Variants in KCNJ6 observed in about 807,000 individuals in gnomAD.
KCNJ6 encodes the protein potassium inwardly rectifying channel subfamily J member 6.
A neutral mutation model predicts 34.2 loss-of-function variants in KCNJ6; 9 were observed. That is an observed-to-expected ratio of 0.26 (90% CI 0.16 to 0.46). The LOEUF is 0.46. Among genes scored for constraint, KCNJ6 ranks in the 20% least tolerant of loss-of-function variants. The probability of loss-of-function intolerance (pLI) is 1.00; values close to 1 mark genes in which losing one functional copy is unlikely to be tolerated. For missense variants in KCNJ6, 236 were observed against 531.3 expected (o/e 0.44, Z 5.46); for synonymous variants, 196 against 207.1 (o/e 0.95, Z 0.46).
rs1556022131 is a variant in KCNJ6, at chr21:37,707,712, A to AGTGTGTGTGTGTGTGTGTGTGTGTGT, written c.946+6498_946+6499insACACACACACACACACACACACACAC. Among the ~76,000 whole-genome samples the AGTGTGTGTGTGTGTGTGTGTGTGTGT allele has an allele frequency of 1.4e-4, 18 of 132,870 alleles. 1 individual carries two copies. The highest frequency in any genetic ancestry group is 2.8e-4 in the South Asian group (1 of 3,538). 87.2% of individuals were successfully genotyped at this position (132,870 alleles called of 152,430 possible). On this transcript the variant is annotated intron_variant, in intron 3 of 3. Coordinates refer to ENST00000609713, the MANE Select transcript of KCNJ6 (RefSeq NM_002240.5). ...AGCACCTCAGGCTGCTTAGCTGTTT[A>AGTGTGTGTGTGTGTGTGTGTGTGTGT]GTATCTGTGCATGTGTGTGTGTGAA...
chr21:37,792,509 A>G lies in KCNJ6; in HGVS notation c.25+48149T>C, dbSNP rs568453193. On this transcript the variant is annotated intron_variant, in intron 2 of 3. Transcript: ENST00000609713. ...AAAACTTTATGCAATATTATGGGAA[A>G]AGCACAGATTCTAGAGTCCAGTAGG... Among the ~76,000 whole-genome samples the G allele has an allele frequency of 3.9e-5, 6 of 152,338 alleles. No individual in the cohort carries two copies. The East Asian group carries it at 1.2e-3, about 29-fold the overall frequency.
chr21:37,789,362 C>A (rs1267461152), intron 2 of KCNJ6, among the ~76,000 whole-genome samples: 2 of 152,066 alleles, frequency 1.3e-5, no homozygotes, highest in Non-Finnish European at 2.9e-5. Flanking sequence ...AAATTGGTGG[C>A]CTTATAAGAA....
chr21:37,789,794 G>A (rs2055208640), intron 2 of KCNJ6, among the ~76,000 whole-genome samples: 1 of 152,184 alleles, frequency 6.6e-6, no homozygotes, highest in Non-Finnish European at 1.5e-5. Context: ...GCAGCAGAAA[G>A]TCCTCCTAAG....
chr21:37,783,226 G>C (rs1003867096), intron 2 of KCNJ6, among the ~76,000 whole-genome samples: 1 of 152,192 alleles, frequency 6.6e-6, no homozygotes, highest in Non-Finnish European at 1.5e-5. Flanking sequence ...AGCTAACCAC[G>C]GATGAGGGCG....
rs775130150 is a variant in KCNJ6, at chr21:37,731,104, T to TG, written c.26-15974dup. Among the ~76,000 whole-genome samples, 3 of 91,590 alleles carry TG rather than the reference T, an allele frequency of 3.3e-5. No homozygotes were observed. In the Admixed American group the frequency reaches 3.4e-4, roughly 10 times the overall value. 60.1% of individuals were successfully genotyped at this position (91,590 alleles called of 152,430 possible). ...CCATTGCAGATAGATGAGAGAAGTG[T>TG]GTGTGTGTGTGTGTGTGTGTGTGTT... On this transcript the variant is annotated intron_variant, in intron 2 of 3. Coordinates refer to ENST00000609713, the MANE Select transcript of KCNJ6 (RefSeq NM_002240.5).
chr21:37,810,925 G>T (rs989249790), intron 2 of KCNJ6, among the ~76,000 whole-genome samples: 3 of 151,948 alleles, frequency 2.0e-5, no homozygotes, highest in East Asian at 1.9e-4. Flanking sequence ...GTAATTTCCC[G>T]TAATTTTATT....
chr21:37,809,632 G>GA (rs909918809), intron 2 of KCNJ6, among the ~76,000 whole-genome samples: 54 of 152,136 alleles, frequency 3.5e-4, no homozygotes, highest in African/African-American at 1.2e-3. Context: ...AAGCAATATA[G>GA]AAAAAATATA....
chr21:37,666,636 T>C (rs1449376933), intron 3 of KCNJ6, among the ~76,000 whole-genome samples: 1 of 151,958 alleles, frequency 6.6e-6, no homozygotes, highest in Non-Finnish European at 1.5e-5. Flanking sequence ...TTTCTGCAGG[T>C]GTACCCAACA....
chr21:37,658,113 G>A (rs918080351), intron 3 of KCNJ6, among the ~76,000 whole-genome samples: 1 of 147,586 alleles, frequency 6.8e-6, no homozygotes, highest in Admixed American at 6.6e-5. Flanking sequence ...AACCTGGTGG[G>A]GGCAGGGAAC....
chr21:37,759,741 T>C (rs2055050975), intron 2 of KCNJ6, among the ~76,000 whole-genome samples: 1 of 152,228 alleles, frequency 6.6e-6, no homozygotes, highest in Non-Finnish European at 1.5e-5. Context: ...CTGCGATGGT[T>C]TTAAAATATG....
At position 37,751,851 on chromosome 21, in the gene KCNJ6, C is replaced by T. The variant is rs551422665; in HGVS notation, c.26-36720G>A. Reference sequence around the variant, plus strand: ...AGCTGTGCTTTCTTGATCTGTGTGTCCTCAGGCCCTAGTACGATGCCTGAC... The same window carrying T: ...AGCTGTGCTTTCTTGATCTGTGTGTTCTCAGGCCCTAGTACGATGCCTGAC... On this transcript the variant is annotated intron_variant, in intron 2 of 3. Coordinates refer to ENST00000609713, the MANE Select transcript of KCNJ6 (RefSeq NM_002240.5). 3.3e-5 allele frequency among the ~76,000 whole-genome samples: 5 copies of T among 152,280 alleles called. No individual in the cohort carries two copies. In the South Asian group the frequency reaches 1.0e-3, roughly 32 times the overall value.
At chr21:37,783,782 G>C (rs78778521) in intron 2 of KCNJ6, among the ~76,000 whole-genome samples, 2 of 152,294 alleles carry the variant, frequency 1.3e-5, no homozygotes, top group African/African-American at 4.8e-5. Flanking sequence ...GGGAATTAAG[G>C]TTAAGTGAGG....
chr21:37,859,991 A>G (rs1601505445), intron 1 of KCNJ6, among the ~76,000 whole-genome samples: 1 of 151,938 alleles, frequency 6.6e-6, no homozygotes, highest in Non-Finnish European at 1.5e-5. Flanking sequence ...CCCTTGCATC[A>G]TGACTCCTTG....
chr21:37,608,605 C>T lies in KCNJ6; in HGVS notation c.*16554G>A, dbSNP rs1305473340. 2.0e-5 allele frequency: 3 copies of T among 152,222 alleles called. No homozygotes were observed. The East Asian group carries it at 5.8e-4, about 29-fold the overall frequency. 9.4% of individuals were successfully genotyped at this position (152,222 alleles called of 1,614,324 possible). ...TTCCAGCAAATTTGTTGTGCCTGTCCCTCTTCGTTTAGGTATTTCTAAAAC... is the reference window on the plus strand; with the variant it reads ...TTCCAGCAAATTTGTTGTGCCTGTCTCTCTTCGTTTAGGTATTTCTAAAAC... On this transcript the variant is annotated 3_prime_UTR_variant, in exon 4 of 4. Coordinates refer to ENST00000609713, the MANE Select transcript of KCNJ6 (RefSeq NM_002240.5).
At chr21:37,884,178 T>G (rs2836032) in intron 1 of KCNJ6, among the ~76,000 whole-genome samples, 39,600 of 152,080 alleles carry the variant, frequency 0.26, 7,090 homozygotes, top group African/African-American at 0.5. Context: ...TGTCTGGGCC[T>G]ATAAGCCAGG....
At chr21:37,746,035 G>A (rs551489421) in intron 2 of KCNJ6, among the ~76,000 whole-genome samples, 6 of 152,182 alleles carry the variant, frequency 3.9e-5, no homozygotes, top group East Asian at 3.9e-4. Context: ...ACCTATTCAC[G>A]CCCACATGGC....
At chr21:37,905,509 C>T (rs868596725) in intron 1 of KCNJ6, among the ~76,000 whole-genome samples, 1 of 152,118 alleles carries the variant, frequency 6.6e-6, no homozygotes, top group South Asian at 2.1e-4. Flanking sequence ...TAGGTGGGTT[C>T]CTCATAGGAA....
chr21:37,749,622 AG>A (rs2054984751), intron 2 of KCNJ6, among the ~76,000 whole-genome samples: 1 of 152,206 alleles, frequency 6.6e-6, no homozygotes, highest in African/African-American at 2.4e-5. Context: ...CTTCATGTTG[AG>A]GCACATTATC....
At chr21:37,850,973 C>A (rs547959697) in intron 1 of KCNJ6, among the ~76,000 whole-genome samples, 4 of 152,144 alleles carry the variant, frequency 2.6e-5, no homozygotes, top group Admixed American at 2.6e-4. Context: ...TTGATTGATT[C>A]ATTCATTCAT....
Sources: gnomAD v4.1 joint callset for allele counts (sites outside exome capture counted in the v4.1 genomes callset) on GRCh38, gnomAD v4.1.1 for gene constraint, MANE v1.5 for transcripts, NCBI Gene and HGNC (gene_info 2026-07-23, HGNC 2026-07-21) for gene names.